MITF: variants seen among roughly 807,000 people sequenced by gnomAD.
The protein encoded by MITF is microphthalmia-associated transcription factor.
MITF carries 17 observed loss-of-function variants against 60.5 expected under a neutral mutation model. The observed-to-expected ratio is 0.28, with a 90% CI of 0.19 to 0.42. The LOEUF is 0.42. Among genes scored for constraint, MITF ranks in the 10% least tolerant of loss-of-function variants. MITF has a pLI of 1.00. For synonymous variants in MITF, 260 were observed against 248.5 expected, an observed-to-expected ratio of 1.05 and a Z score of -0.43; for missense variants, 622 against 683.5, an observed-to-expected ratio of 0.91 and a Z score of 1.00.
intron 1 of MITF, among the ~76,000 whole-genome samples, chr3:69,815,087 G>A (rs972117001): frequency 6.6e-6 from 1 of 152,088 alleles, no homozygotes; most frequent in Admixed American, 6.6e-5. Context: ...AGGGCCTCAG[G>A]CATACAAAAA....
At chr3:69,864,810 T>A (rs1427115259) in intron 1 of MITF, among the ~76,000 whole-genome samples, 1 of 152,122 alleles carries the variant, frequency 6.6e-6, no homozygotes, top group African/African-American at 2.4e-5. Flanking sequence ...ACTTCCCACC[T>A]CATAGTTCTT....
intron 1 of MITF, among the ~76,000 whole-genome samples, chr3:69,756,633 C>T (rs527289819): frequency 1.3e-5 from 2 of 152,110 alleles, no homozygotes; most frequent in Non-Finnish European, 1.5e-5. Flanking sequence ...GATTTATAAT[C>T]CTTTGGGTAT....
chr3:69,860,597 CAAAAAAA>C (rs1039213953), intron 1 of MITF, among the ~76,000 whole-genome samples: 13 of 60,780 alleles, frequency 2.1e-4, no homozygotes, highest in South Asian at 6.9e-4. Flanking sequence ...GACTCCGTCT[CAAAAAAA>C]AAAAAAAAAA....
At chr3:69,959,231 T>G (rs376206520) in intron 8 of MITF, 42 bp from the exon 9 acceptor site, 45 of 1,611,112 alleles carry the variant, frequency 2.8e-5, no homozygotes, top group Non-Finnish European at 3.6e-5. Flanking sequence ...TCATTGAGCC[T>G]CAAATCCTAA....
intron 1 of MITF, among the ~76,000 whole-genome samples, chr3:69,771,335 G>A (rs1371805299): frequency 6.6e-6 from 1 of 151,784 alleles, no homozygotes; most frequent in African/African-American, 2.4e-5. Flanking sequence ...TCCATGAGAA[G>A]CATCTTGTCA....
At position 69,965,633 on chromosome 3, in the gene MITF, G is replaced by C. The variant is rs1442031006; in HGVS notation, c.*385G>C. 1 of 241,178 alleles carries C rather than the reference G, an allele frequency of 4.1e-6. No homozygotes were observed. The highest frequency in any genetic ancestry group is 1.4e-4 in the South Asian group (1 of 7,152). 14.9% of individuals were successfully genotyped at this position (241,178 alleles called of 1,614,324 possible). ...AATCAAATGTAAAGTTTAATTGAAA[G>C]AATGTAAAGCAACCAAAAAGAAAAA... On this transcript the variant is annotated 3_prime_UTR_variant, in exon 10 of 10. Coordinates refer to ENST00000352241, the MANE Select transcript of MITF (RefSeq NM_001354604.2).
chr3:69,755,237 C>A (rs1428150458), intron 1 of MITF, among the ~76,000 whole-genome samples: 1 of 152,136 alleles, frequency 6.6e-6, no homozygotes, highest in East Asian at 1.9e-4. Flanking sequence ...AATACCAAGG[C>A]TGTGTAGCAC....
intron 1 of MITF, among the ~76,000 whole-genome samples, chr3:69,752,723 C>T (rs35118562): frequency 0.053 from 8,133 of 152,144 alleles, 267 homozygotes; most frequent in South Asian, 0.16. Flanking sequence ...GCAGCCTGGC[C>T]ATGTAGTAGA....
intron 2 of MITF, among the ~76,000 whole-genome samples, chr3:69,925,331 C>T (rs1182569376): frequency 1.3e-5 from 2 of 152,130 alleles, no homozygotes; most frequent in Non-Finnish European, 2.9e-5. Context: ...AACTGCATCT[C>T]TCCATTTTAC....
Position 69,894,155 on chromosome 3 carries a change from T to C in MITF, c.354+14772T>C, listed in dbSNP as rs571095301. Among the ~76,000 whole-genome samples, 3 of 152,352 alleles carry C rather than the reference T, an allele frequency of 2.0e-5. No individual in the cohort carries two copies. In the East Asian group the frequency reaches 5.8e-4, roughly 29 times the overall value. ...CTGTTCACTTTTGAAAGCCTTATTA[T>C]TTTGGGGAAACTTGAAGGTTCAAAA... On this transcript the variant is annotated intron_variant, in intron 2 of 9. Coordinates refer to ENST00000352241, the MANE Select transcript of MITF (RefSeq NM_001354604.2).
chr3:69,939,717 G>A (rs914649577), intron 4 of MITF, among the ~76,000 whole-genome samples: 14 of 152,120 alleles, frequency 9.2e-5, no homozygotes, highest in Admixed American at 6.5e-4. Context: ...ATAGATATAG[G>A]AGAGAATGAT....
At chr3:69,816,783 AG>A (rs1372858556) in intron 1 of MITF, among the ~76,000 whole-genome samples, 1 of 152,220 alleles carries the variant, frequency 6.6e-6, no homozygotes. Context: ...ACACATATTA[AG>A]GCTCATTCAT....
At chr3:69,812,360 G>A (rs981038466) in intron 1 of MITF, among the ~76,000 whole-genome samples, 1 of 152,164 alleles carries the variant, frequency 6.6e-6, no homozygotes. Flanking sequence ...CACCAGTAAG[G>A]AGATCATCTC....
intron 1 of MITF, among the ~76,000 whole-genome samples, chr3:69,747,446 C>A (rs2106757168): frequency 6.6e-6 from 1 of 152,328 alleles, no homozygotes; most frequent in South Asian, 2.1e-4. Context: ...GTCAAGTTAT[C>A]CAACCTTTCT....
intron 1 of MITF, among the ~76,000 whole-genome samples, chr3:69,768,545 A>G (rs1201750703): frequency 2.0e-5 from 3 of 152,250 alleles, no homozygotes; most frequent in Admixed American, 6.5e-5. Context: ...AAAGTCTTCC[A>G]TACATAATTT....
At chr3:69,867,761 A>C (rs537973478) in intron 1 of MITF, among the ~76,000 whole-genome samples, 51 of 152,366 alleles carry the variant, frequency 3.3e-4, no homozygotes, top group African/African-American at 1.2e-3. Context: ...TTCTGATTCT[A>C]CGTAAGAATG....
chr3:69,806,450 G>A (rs1357134864), intron 1 of MITF, among the ~76,000 whole-genome samples: 2 of 152,050 alleles, frequency 1.3e-5, no homozygotes, highest in African/African-American at 2.4e-5. Flanking sequence ...TAATGAGAAA[G>A]GTTTTTTTTA....
chr3:69,786,063 G>A (rs1397638886), intron 1 of MITF, among the ~76,000 whole-genome samples: 2 of 152,180 alleles, frequency 1.3e-5, no homozygotes, highest in Non-Finnish European at 2.9e-5. Context: ...AAAAAGCAGT[G>A]CAGCACCTAA....
intron 1 of MITF, among the ~76,000 whole-genome samples, chr3:69,784,255 T>A (rs2062613208): frequency 6.6e-6 from 1 of 152,160 alleles, no homozygotes; most frequent in Non-Finnish European, 1.5e-5. Flanking sequence ...TTTGTTCTTT[T>A]TTCAGGATAA....
Sources: gnomAD v4.1 joint callset for allele counts (sites outside exome capture counted in the v4.1 genomes callset) on GRCh38, gnomAD v4.1.1 for gene constraint, MANE v1.5 for transcripts, NCBI Gene and HGNC (gene_info 2026-07-23, HGNC 2026-07-21) for gene names.